The following CMSS1 variants were observed in gnomAD, a reference collection of about 807,000 sequenced individuals.
CMSS1 encodes the protein protein CMSS1.
In CMSS1, 33 loss-of-function variants were observed where a neutral mutation model predicts 43.5. That is an observed-to-expected ratio of 0.76 (90% confidence interval 0.57 to 1.01). The LOEUF is 1.01. CMSS1 is among the 50% of genes least tolerant of loss of function. CMSS1 has a pLI of 0.00. For missense variants in CMSS1, 313 were observed against 326.4 expected (o/e 0.96, Z 0.32); for synonymous variants, 115 against 117.2 (o/e 0.98, Z 0.12).
intron 1 of CMSS1, among the ~76,000 whole-genome samples, chr3:100,026,012 GAC>G (rs2064913969): frequency 6.6e-6 from 1 of 152,112 alleles, no homozygotes; most frequent in Non-Finnish European, 1.5e-5. Flanking sequence ...AGGCAATATG[GAC>G]ACAGACTATG....
chr3:100,013,210 T>TGAG (rs998130241), intron 1 of CMSS1, among the ~76,000 whole-genome samples: 2 of 134,558 alleles, frequency 1.5e-5, no homozygotes, highest in African/African-American at 5.7e-5. Context: ...TCAAGGCCAG[T>TGAG]GAGGTGTTGT....
At chr3:99,845,405 A>C (rs1943318413) in intron 1 of CMSS1, among the ~76,000 whole-genome samples, 1 of 152,212 alleles carries the variant, frequency 6.6e-6, no homozygotes, top group Non-Finnish European at 1.5e-5. Context: ...CCAATGAAAG[A>C]ATGGTATGAG....
Position 100,110,800 on chromosome 3 carries a change from C to T in CMSS1, c.65-36173C>T, listed in dbSNP as rs149792449. Among the ~76,000 whole-genome samples, 1,095 of 152,224 alleles carry T rather than the reference C, an allele frequency of 7.2e-3. 18 individuals are homozygous for T. Among genetic ancestry groups the T allele is most frequent in the African/African-American group, 0.024 (1,007 of 41,528 alleles). On this transcript the variant is annotated intron_variant, in intron 1 of 9. Coordinates refer to ENST00000421999, the MANE Select transcript of CMSS1 (RefSeq NM_032359.4). ...CCCATGATAAACTGCTTCTTCACAA[C>T]AGCCTACTTATGCTTGCACCAGAAG...
intron 1 of CMSS1, among the ~76,000 whole-genome samples, chr3:99,832,759 G>C (rs1942727071): frequency 7.0e-6 from 1 of 143,704 alleles, no homozygotes; most frequent in Non-Finnish European, 1.5e-5. Flanking sequence ...AGAATCGCTT[G>C]AACCCACGAG....
intron 1 of CMSS1, among the ~76,000 whole-genome samples, chr3:100,018,053 G>A (rs1710395967): frequency 6.6e-6 from 1 of 152,076 alleles, no homozygotes; most frequent in Non-Finnish European, 1.5e-5. Flanking sequence ...TGAAGGCTAG[G>A]TCCAGGGGCT....
intron 1 of CMSS1, among the ~76,000 whole-genome samples, chr3:99,981,851 A>G (rs1032794801): frequency 1.3e-5 from 2 of 152,190 alleles, no homozygotes; most frequent in African/African-American, 4.8e-5. Context: ...TGCAGAGTCA[A>G]GCCACGGCCA....
At chr3:100,113,747 T>C (rs2107482455) in intron 1 of CMSS1, among the ~76,000 whole-genome samples, 1 of 152,342 alleles carries the variant, frequency 6.6e-6, no homozygotes, top group African/African-American at 2.4e-5. Context: ...TTTTCTTTAA[T>C]TTTTGACTAT....
intron 1 of CMSS1, among the ~76,000 whole-genome samples, chr3:100,021,481 G>C: frequency 6.6e-6 from 1 of 152,262 alleles, no homozygotes; most frequent in Middle Eastern, 3.4e-3. Context: ...TCCTTGTAGA[G>C]AAAATTCCTG....
At chr3:99,990,662 C>A (rs1709484980) in intron 1 of CMSS1, among the ~76,000 whole-genome samples, 1 of 151,756 alleles carries the variant, frequency 6.6e-6, no homozygotes, top group African/African-American at 2.4e-5. Flanking sequence ...GCATCAGTAT[C>A]ATTCCAAAGC....
chr3:100,022,330 T>TCAG (rs2064840699), intron 1 of CMSS1, among the ~76,000 whole-genome samples: 1 of 152,154 alleles, frequency 6.6e-6, no homozygotes, highest in Admixed American at 6.5e-5. Context: ...ATGTCCAATA[T>TCAG]CAGCCCTTGG....
intron 1 of CMSS1, among the ~76,000 whole-genome samples, chr3:99,938,551 A>C (rs932426494): frequency 6.6e-6 from 1 of 152,356 alleles, no homozygotes; most frequent in Non-Finnish European, 1.5e-5. Flanking sequence ...ACTGTCTGCT[A>C]TCTTTACATT....
At chr3:100,052,006 C>A (rs1253100997) in intron 1 of CMSS1, among the ~76,000 whole-genome samples, 1 of 150,862 alleles carries the variant, frequency 6.6e-6, no homozygotes, top group Non-Finnish European at 1.5e-5. Flanking sequence ...TAAAATATTT[C>A]AAGCAAGAAA....
At chr3:99,826,390 C>T (rs1374645355) in intron 1 of CMSS1, among the ~76,000 whole-genome samples, 6 of 152,176 alleles carry the variant, frequency 3.9e-5, no homozygotes, top group African/African-American at 1.4e-4. Context: ...TCATCACCGT[C>T]ATAACTGCTG....
At position 99,899,863 on chromosome 3, in the gene CMSS1, G is replaced by A. The variant is rs557677974; in HGVS notation, c.64+81820G>A. Among the ~76,000 whole-genome samples, 6 of 152,116 alleles carry A rather than the reference G, an allele frequency of 3.9e-5. No homozygotes were observed. The East Asian group carries it at 5.8e-4, about 15-fold the overall frequency. ...ATGGTGAGAGTACCTTCCTCATAGG[G>A]TTGTTATATTTAAATGAGTTACAAA... On this transcript the variant is annotated intron_variant, in intron 1 of 9. Coordinates refer to ENST00000421999, the MANE Select transcript of CMSS1 (RefSeq NM_032359.4).
intron 1 of CMSS1, among the ~76,000 whole-genome samples, chr3:100,037,218 G>A (rs1166583753): frequency 1.3e-5 from 2 of 151,762 alleles, no homozygotes; most frequent in Non-Finnish European, 2.9e-5. Context: ...TTTATTCTTA[G>A]GAAAATACAT....
chr3:99,896,781 G>T (rs573605966), intron 1 of CMSS1, among the ~76,000 whole-genome samples: 1 of 152,056 alleles, frequency 6.6e-6, no homozygotes, highest in Non-Finnish European at 1.5e-5. Context: ...AGGGTTTAAC[G>T]GTTTTTGTTC....
At chr3:99,835,167 G>A (rs1942846021) in intron 1 of CMSS1, among the ~76,000 whole-genome samples, 2 of 152,132 alleles carry the variant, frequency 1.3e-5, no homozygotes, top group African/African-American at 4.8e-5. Context: ...TGCTAAGGGT[G>A]GGAGTTAAGG....
At chr3:100,143,947 A>G (rs1001376154) in intron 1 of CMSS1, among the ~76,000 whole-genome samples, 6 of 151,986 alleles carry the variant, frequency 3.9e-5, no homozygotes, top group Admixed American at 3.9e-4. Context: ...CAGTTTGCCT[A>G]TATCATTATA....
At chr3:99,935,537 A>G (rs1047502271) in intron 1 of CMSS1, among the ~76,000 whole-genome samples, 2 of 152,134 alleles carry the variant, frequency 1.3e-5, no homozygotes, top group African/African-American at 4.8e-5. Flanking sequence ...ATAAAATGAG[A>G]ATACTGGGAT....
Sources: gnomAD v4.1 joint callset for allele counts (sites outside exome capture counted in the v4.1 genomes callset) on GRCh38, gnomAD v4.1.1 for gene constraint, MANE v1.5 for transcripts, NCBI Gene and HGNC (gene_info 2026-07-23, HGNC 2026-07-21) for gene names.